Variants in KCNH1 observed in about 807,000 individuals in gnomAD.
KCNH1 encodes potassium voltage-gated channel subfamily H member 1.
A neutral mutation model predicts 69.2 loss-of-function variants in KCNH1; 27 were observed. The observed-to-expected ratio is 0.39, with a 90% CI of 0.29 to 0.54. KCNH1 has a LOEUF of 0.54. Among genes scored for constraint, KCNH1 ranks in the 20% least tolerant of loss-of-function variants. The pLI is 0.68. For synonymous variants in KCNH1, 456 were observed against 487.7 expected (o/e 0.93, Z 0.86); for missense variants, 798 against 1,261.6 (o/e 0.63, Z 5.57).
chr1:211,132,924 G>T (rs993642094), intron 1 of KCNH1: 1 of 152,182 alleles, frequency 6.6e-6, no homozygotes, highest in East Asian at 1.9e-4. Context: ...CAAGTGCTTA[G>T]TTGGGGTCTC....
At chr1:210,946,825 A>G (rs1468532702) in intron 6 of KCNH1, among the ~76,000 whole-genome samples, 1 of 151,994 alleles carries the variant, frequency 6.6e-6, no homozygotes. Context: ...CCATGCCCAA[A>G]TGATGTCTCT....
At chr1:210,886,738 C>T (rs1686614509) in intron 7 of KCNH1, among the ~76,000 whole-genome samples, 1 of 151,834 alleles carries the variant, frequency 6.6e-6, no homozygotes, top group South Asian at 2.1e-4. Context: ...ACCACGAGAA[C>T]TTCGTGAATA....
At chr1:210,844,747 T>C (rs1206910317) in intron 7 of KCNH1, among the ~76,000 whole-genome samples, 1 of 151,700 alleles carries the variant, frequency 6.6e-6, no homozygotes, top group Non-Finnish European at 1.5e-5. Flanking sequence ...CTGAAGGAAA[T>C]AGAGACACAA....
At chr1:210,778,039 A>G (rs1777252) in intron 9 of KCNH1, among the ~76,000 whole-genome samples, 93,266 of 152,110 alleles carry the variant, frequency 0.61, 29,106 homozygotes, top group African/African-American at 0.67. Flanking sequence ...TCACATGTAT[A>G]TGCTGTGGCC....
At chr1:210,695,648 A>G (rs1332749283) in intron 10 of KCNH1, among the ~76,000 whole-genome samples, 1 of 152,206 alleles carries the variant, frequency 6.6e-6, no homozygotes, top group Non-Finnish European at 1.5e-5. Context: ...CACAGCAAAC[A>G]TTCAGTGACT....
chr1:211,130,524 G>A (rs1691857923), intron 1 of KCNH1, among the ~76,000 whole-genome samples: 1 of 152,184 alleles, frequency 6.6e-6, no homozygotes, highest in African/African-American at 2.4e-5. Flanking sequence ...TGTATCCTCA[G>A]TGTTCCATAA....
chr1:210,975,490 G>T (rs1357721176), intron 6 of KCNH1, among the ~76,000 whole-genome samples: 1 of 152,168 alleles, frequency 6.6e-6, no homozygotes, highest in Non-Finnish European at 1.5e-5. Context: ...CAAAAAAGAA[G>T]AAATGGGGAA....
At chr1:210,962,008 C>T (rs991878553) in intron 6 of KCNH1, among the ~76,000 whole-genome samples, 10 of 152,126 alleles carry the variant, frequency 6.6e-5, no homozygotes, top group Admixed American at 3.3e-4. Flanking sequence ...CTTTCCTTGA[C>T]TTCAAGTAGT....
Position 211,103,005 on chromosome 1 carries a change from G to A in KCNH1, c.310+491C>T, listed in dbSNP as rs191995676. On this transcript the variant is annotated intron_variant, in intron 3 of 10. Transcript: ENST00000271751. ...AACCTCATTAACATACTTTGTGGAAGTAATTGTAGCCAAAAACAAATACAA... is the reference window on the plus strand; with the variant it reads ...AACCTCATTAACATACTTTGTGGAAATAATTGTAGCCAAAAACAAATACAA... Among the ~76,000 whole-genome samples, 118 of 152,346 alleles carry A rather than the reference G, an allele frequency of 7.7e-4. 1 individual carries two copies. The highest frequency in any genetic ancestry group is 2.6e-3 in the African/African-American group (109 of 41,590).
chr1:211,032,784 T>C (rs1405489437), intron 5 of KCNH1, among the ~76,000 whole-genome samples: 2 of 152,190 alleles, frequency 1.3e-5, no homozygotes, highest in East Asian at 1.9e-4. Context: ...AAGACTTAAA[T>C]ATTAGACCTA....
intron 1 of KCNH1, among the ~76,000 whole-genome samples, chr1:211,115,711 ATATATG>A (rs145066891): frequency 0.095 from 11,061 of 116,020 alleles, 1,407 homozygotes; most frequent in South Asian, 0.2. Flanking sequence ...CTATATATAT[ATATATG>A]TATATATATA....
At chr1:210,918,258 T>A (rs1213038988) in intron 7 of KCNH1, among the ~76,000 whole-genome samples, 1 of 152,202 alleles carries the variant, frequency 6.6e-6, no homozygotes, top group Non-Finnish European at 1.5e-5. Flanking sequence ...GTTTCCCTGG[T>A]CAGTATAACA....
intron 7 of KCNH1, among the ~76,000 whole-genome samples, chr1:210,845,623 C>T (rs574102817): frequency 1.6e-3 from 247 of 152,212 alleles, no homozygotes; most frequent in African/African-American, 5.7e-3. Flanking sequence ...GCCAATATCA[C>T]ACTGAATGGG....
chr1:210,895,767 T>A (rs1574324120), intron 7 of KCNH1, among the ~76,000 whole-genome samples: 1 of 150,920 alleles, frequency 6.6e-6, no homozygotes, highest in East Asian at 1.9e-4. Flanking sequence ...AAAAAAAAAA[T>A]ACTCTTGGAC....
At chr1:210,836,535 C>A (rs1318903149) in intron 7 of KCNH1, among the ~76,000 whole-genome samples, 3 of 152,164 alleles carry the variant, frequency 2.0e-5, no homozygotes, top group Non-Finnish European at 4.4e-5. Context: ...TCTTCCCTGT[C>A]CACTTTCTAG....
At chr1:210,960,175 C>T (rs1688267058) in intron 6 of KCNH1, among the ~76,000 whole-genome samples, 1 of 152,168 alleles carries the variant, frequency 6.6e-6, no homozygotes, top group African/African-American at 2.4e-5. Flanking sequence ...ATCCACTATG[C>T]AGCCTGAGGA....
intron 10 of KCNH1, among the ~76,000 whole-genome samples, chr1:210,705,753 AAGTC>A (rs1558431425): frequency 6.6e-6 from 1 of 151,904 alleles, no homozygotes; most frequent in Non-Finnish European, 1.5e-5. Context: ...CTGTAGCTCT[AAGTC>A]AGGGTCTCCT....
chr1:210,886,976 G>A (rs1686624220), intron 7 of KCNH1, among the ~76,000 whole-genome samples: 1 of 152,130 alleles, frequency 6.6e-6, no homozygotes, highest in Non-Finnish European at 1.5e-5. Context: ...ACACTCTTCA[G>A]GATATTATAC....
chr1:210,775,234 T>C, intron 10 of KCNH1, 114 bp downstream of exon 10: 1 of 865,898 alleles, frequency 1.2e-6, no homozygotes, highest in Non-Finnish European at 1.8e-6. Flanking sequence ...AGATCCTCTT[T>C]AGAACCAATT....
Sources: gnomAD v4.1 joint callset for allele counts (sites outside exome capture counted in the v4.1 genomes callset) on GRCh38, gnomAD v4.1.1 for gene constraint, MANE v1.5 for transcripts, NCBI Gene and HGNC (gene_info 2026-07-23, HGNC 2026-07-21) for gene names.